VAV1: variants seen among roughly 807,000 people sequenced by gnomAD.
VAV1 encodes vav guanine nucleotide exchange factor 1.
Under a neutral mutation model 128.1 loss-of-function variants are expected in VAV1, and 33 were observed. The ratio of observed to expected loss-of-function variants is 0.26; its 90% CI spans 0.20 to 0.34. The LOEUF is 0.34. Ranked by LOEUF, VAV1 falls within the 10% of genes least tolerant of loss-of-function variation. The pLI is 1.00. For synonymous variants in VAV1, 394 were observed against 409.8 expected (o/e 0.96, Z 0.47); for missense variants, 715 against 1,093.7 (o/e 0.65, Z 4.88).
At chr19:6,804,945 G>C (rs930809205) in intron 1 of VAV1, among the ~76,000 whole-genome samples, 3 of 151,372 alleles carry the variant, frequency 2.0e-5, no homozygotes, top group Non-Finnish European at 4.4e-5. Flanking sequence ...GGATGGTCTC[G>C]ATTGCCTGAC....
In VAV1 at chr19:6,821,697, G is replaced by A. The variant is rs775350839; in HGVS notation, c.380+17G>A. 25 of 1,614,036 alleles carry A rather than the reference G, an allele frequency of 1.5e-5. No homozygotes were observed. The highest frequency in any genetic ancestry group is 2.1e-5 in the Non-Finnish European group (25 of 1,180,024). ...GGGGATCATGTGAGTAACCACCTGG[G>A]CCTTGGGCCATTTAGCCCCAGTCCT... On this transcript the variant is annotated intron_variant, in intron 3 of 26. Coordinates refer to ENST00000602142, the MANE Select transcript of VAV1 (RefSeq NM_005428.4).
chr19:6,843,827 A>G (rs1271671973), intron 22 of VAV1, among the ~76,000 whole-genome samples: 1 of 151,036 alleles, frequency 6.6e-6, no homozygotes, highest in African/African-American at 2.4e-5. Flanking sequence ...TTTCTTCTTC[A>G]CATTTGAACA....
At position 6,821,875 on chromosome 19, in the gene VAV1, T is replaced by A. The variant is rs1475700166; in HGVS notation, c.449+16T>A. 1 of 1,613,920 alleles carries A rather than the reference T, an allele frequency of 6.2e-7. No homozygotes were observed. Among genetic ancestry groups the A allele is most frequent in the Non-Finnish European group, 8.5e-7 (1 of 1,179,920 alleles). On this transcript the variant is annotated intron_variant, in intron 4 of 26. Transcript: ENST00000602142. ...ACCAGATCGAGTGAGTGCTCAGGCC[T>A]GTGGCCGCACAGCTCACTGGAGCAC...
chr19:6,836,981 T>C lies in VAV1; in HGVS notation c.1915-4T>C. 6.2e-7 allele frequency: 1 copy of C among 1,614,022 alleles called. No homozygotes were observed. The highest frequency in any genetic ancestry group is 8.5e-7 in the Non-Finnish European group (1 of 1,179,960). On this transcript the variant is annotated splice_polypyrimidine_tract_variant and splice_region_variant and intron_variant, in intron 20 of 26. Transcript: ENST00000602142. ...GTTCCTGTTTTTGTCTCCTGGGTGT[T>C]TAGGGCAGAAATACATCTACTAATG...
At chr19:6,804,909 G>A (rs1971356969) in intron 1 of VAV1, among the ~76,000 whole-genome samples, 1 of 151,482 alleles carries the variant, frequency 6.6e-6, no homozygotes, top group Non-Finnish European at 1.5e-5. Flanking sequence ...ATTTTTAGTA[G>A]AGATGAGTTT....
At chr19:6,776,668 C>A (rs1343258029) in intron 1 of VAV1, among the ~76,000 whole-genome samples, 2 of 151,998 alleles carry the variant, frequency 1.3e-5, no homozygotes, top group African/African-American at 2.4e-5. Context: ...ACTTTTCCAT[C>A]CATGTATCCA....
intron 21 of VAV1, among the ~76,000 whole-genome samples, chr19:6,840,516 G>T (rs989596394): frequency 6.6e-6 from 1 of 150,820 alleles, no homozygotes. Context: ...AGCCAGGATG[G>T]TCTCGATCTC....
intron 1 of VAV1, among the ~76,000 whole-genome samples, chr19:6,774,936 T>TTC (rs1970591215): frequency 6.6e-6 from 1 of 150,954 alleles, no homozygotes; most frequent in Non-Finnish European, 1.5e-5. Context: ...TTTTTTTTTT[T>TTC]TGTATTTTTA....
intron 1 of VAV1, among the ~76,000 whole-genome samples, chr19:6,779,758 A>G (rs1029597892): frequency 6.7e-6 from 1 of 149,730 alleles, no homozygotes; most frequent in African/African-American, 2.4e-5. Flanking sequence ...CATGCCTATA[A>G]TCCTAGCACT....
rs536730077 is a variant in VAV1 at position 6,836,365 on chromosome 19, G to C, written c.1778-67G>C. 2.6e-4 allele frequency: 402 copies of C among 1,553,748 alleles called. 4 individuals carry two copies. The Middle Eastern group carries it at 6.2e-3, about 24-fold the overall frequency. ...AAAGAAAAATTTTAGCCATTCTCGT[G>C]GGTGGCAAGATTCAGGGTTGAAAGT... On this transcript the variant is annotated intron_variant, in intron 19 of 26. Transcript: ENST00000602142.
At chr19:6,795,935 A>T (rs1971122985) in intron 1 of VAV1, among the ~76,000 whole-genome samples, 1 of 152,090 alleles carries the variant, frequency 6.6e-6, no homozygotes, top group South Asian at 2.1e-4. Context: ...CGCCCGTCTC[A>T]GCCTCCCAAA....
intron 1 of VAV1, among the ~76,000 whole-genome samples, chr19:6,782,187 G>A (rs971025073): frequency 6.6e-5 from 10 of 151,986 alleles, no homozygotes; most frequent in South Asian, 2.1e-4. Context: ...ATAATTAGCC[G>A]GGTGTGCTGG....
chr19:6,783,470 CTTTTTTT>C (rs61101390), intron 1 of VAV1, among the ~76,000 whole-genome samples: 1 of 113,806 alleles, frequency 8.8e-6, no homozygotes, highest in African/African-American at 3.7e-5. Flanking sequence ...CACCTCCATC[CTTTTTTT>C]TTTTTTTTTT....
At chr19:6,840,485 T>G (rs1972346611) in intron 21 of VAV1, among the ~76,000 whole-genome samples, 1 of 151,630 alleles carries the variant, frequency 6.6e-6, no homozygotes, top group Non-Finnish European at 1.5e-5. Flanking sequence ...TTTTGTATTT[T>G]TAGTAGAGTT....
chr19:6,811,357 T>C (rs1000953645), intron 1 of VAV1, among the ~76,000 whole-genome samples: 6 of 152,118 alleles, frequency 3.9e-5, no homozygotes, highest in Admixed American at 2.6e-4. Context: ...TTCAATAAAT[T>C]GTATTGGGCA....
At position 6,804,855 on chromosome 19, in the gene VAV1, C is replaced by G. The variant is rs545391453; in HGVS notation, c.205-15847C>G. On this transcript the variant is annotated intron_variant, in intron 1 of 26. Coordinates refer to ENST00000602142, the MANE Select transcript of VAV1 (RefSeq NM_005428.4). ...TCTCCTGCTTCAGCCTCCCAAGTAGCTGGGACTACAGGCGCCCGCCACCAT... is the reference window on the plus strand; with the variant it reads ...TCTCCTGCTTCAGCCTCCCAAGTAGGTGGGACTACAGGCGCCCGCCACCAT... 1.3e-4 allele frequency among the ~76,000 whole-genome samples: 20 copies of G among 151,844 alleles called. No individual in the cohort carries two copies. In the East Asian group the frequency reaches 3.9e-3, roughly 30 times the overall value.
intron 26 of VAV1, 45 bp downstream of exon 26, chr19:6,854,143 GC>G: frequency 6.2e-7 from 1 of 1,602,370 alleles, no homozygotes; most frequent in Non-Finnish European, 8.5e-7. Flanking sequence ...TGGGGGTTGA[GC>G]TGGTGGTGGA....
intron 21 of VAV1, among the ~76,000 whole-genome samples, chr19:6,838,555 C>T (rs970143158): frequency 3.3e-5 from 5 of 152,108 alleles, no homozygotes; most frequent in Non-Finnish European, 7.4e-5. Flanking sequence ...CATCTCTCTG[C>T]CTATTTTTCA....
At chr19:6,814,664 C>CTTTCTTTCTTTCT (rs1355542505) in intron 1 of VAV1, among the ~76,000 whole-genome samples, 1 of 76,840 alleles carries the variant, frequency 1.3e-5, no homozygotes, top group East Asian at 3.3e-4. Flanking sequence ...TCCTTCCTTC[C>CTTTCTTTCTTTCT]TTCCTTCCTT....
Sources: gnomAD v4.1 joint callset for allele counts (sites outside exome capture counted in the v4.1 genomes callset) on GRCh38, gnomAD v4.1.1 for gene constraint, MANE v1.5 for transcripts, NCBI Gene and HGNC (gene_info 2026-07-23, HGNC 2026-07-21) for gene names.